TMEM177: variants seen among roughly 807,000 people sequenced by gnomAD.
TMEM177 encodes transmembrane protein 177.
TMEM177 carries 4 observed loss-of-function variants against 14.2 expected under a neutral mutation model. The observed-to-expected ratio is 0.28, with a 90% CI of 0.14 to 0.64. The LOEUF is 0.64. Ranked by LOEUF, TMEM177 falls within the 30% of genes least tolerant of loss-of-function variation. The pLI is 0.82. For missense variants in TMEM177, 344 were observed against 405.2 expected, an observed-to-expected ratio of 0.85 and a Z score of 1.30; for synonymous variants, 179 against 174.5, an observed-to-expected ratio of 1.03 and a Z score of -0.20.
At position 119,681,678 on chromosome 2, in the gene TMEM177, C is replaced by T. The variant is rs150982620; in HGVS notation, c.825C>T (p.Ser275=). The T allele has an allele frequency of 5.0e-5, 80 of 1,614,058 alleles. 1 individual carries two copies. The South Asian group carries it at 6.9e-4, about 14-fold the overall frequency. ...ACGGGGAGAAGCTGTATACACCCAGCGGGAACATCGTCCCCAGACACTTGT... is the reference window on the plus strand; with the variant it reads ...ACGGGGAGAAGCTGTATACACCCAGTGGGAACATCGTCCCCAGACACTTGT... ...GKDGEKLYTP[S]GNIVPRHLFR... The change falls in exon 2 of 2, where the codon AGC becomes AGT. Residue 275 remains serine, a synonymous_variant. Coordinates refer to ENST00000272521, the MANE Select transcript of TMEM177 (RefSeq NM_030577.3).
chr2:119,699,327 A>AGAATTCACTCACTATC, the TMEM177 span, among the ~76,000 whole-genome samples: 2 of 152,232 alleles, frequency 1.3e-5, no homozygotes, highest in African/African-American at 4.8e-5. Context: ...AGATCTCGTG[A>AGAATTCACTCACTATC]GAATTCACTC....
rs1688829470 is a variant in TMEM177 at position 119,679,210 on chromosome 2, C to G, written c.-89C>G. 1 of 152,362 alleles carries G rather than the reference C, an allele frequency of 6.6e-6. No homozygotes were observed. The highest frequency in any genetic ancestry group is 2.4e-5 in the African/African-American group (1 of 41,588). The allele number at this position is 152,362 out of a possible 1,614,324, so 9.4% of individuals were successfully genotyped here. A position where few individuals can be genotyped will look rare whatever the true frequency, so the allele number is the denominator to read the frequency against. On this transcript the variant is annotated 5_prime_UTR_variant, in exon 1 of 2. Transcript: ENST00000272521. ...CCTGCCGCGCGCACATGTAGGCGTTCCGAGCGGCGGCGGAGGTGAGCGCAC... is the reference window on the plus strand; with the variant it reads ...CCTGCCGCGCGCACATGTAGGCGTTGCGAGCGGCGGCGGAGGTGAGCGCAC...
chr2:119,714,912 A>G, the TMEM177 span, among the ~76,000 whole-genome samples: 7 of 152,360 alleles, frequency 4.6e-5, no homozygotes, highest in African/African-American at 1.7e-4. Flanking sequence ...GTTTGAACCC[A>G]GACAAGGCAA....
chr2:119,692,437 C>T, the TMEM177 span, among the ~76,000 whole-genome samples: 33 of 152,346 alleles, frequency 2.2e-4, no homozygotes, highest in African/African-American at 7.0e-4. Flanking sequence ...GAGGTGTAGC[C>T]CAGGCCATGT....
At chr2:119,688,265 G>A (rs1689046430), downstream of TMEM177, among the ~76,000 whole-genome samples, 1 of 152,188 alleles carries the variant, frequency 6.6e-6, no homozygotes, top group Admixed American at 6.5e-5. Context: ...TTCACAAAAT[G>A]TAAAGTAGTT....
the TMEM177 span, among the ~76,000 whole-genome samples, chr2:119,704,187 G>A: frequency 3.9e-5 from 6 of 152,194 alleles, no homozygotes; most frequent in African/African-American, 1.4e-4. Context: ...CCATGGAAGA[G>A]GAAGAACATG....
chr2:119,696,945 C>G, the TMEM177 span, among the ~76,000 whole-genome samples: 1 of 152,196 alleles, frequency 6.6e-6, no homozygotes, highest in Non-Finnish European at 1.5e-5. Context: ...TTTGTTCTAG[C>G]TTCACTCTGT....
At chr2:119,713,258 A>G in the TMEM177 span, among the ~76,000 whole-genome samples, 1 of 151,964 alleles carries the variant, frequency 6.6e-6, no homozygotes, top group African/African-American at 2.4e-5. Context: ...TAGTAGAGAC[A>G]GGTTTCTCCG....
At position 119,681,249 on chromosome 2, in the gene TMEM177, G is replaced by A; in HGVS notation, c.396G>A (p.Arg132=). 6.2e-7 allele frequency: 1 copy of A among 1,614,252 alleles called. No homozygotes were observed. Among genetic ancestry groups the A allele is most frequent in the Non-Finnish European group, 8.5e-7 (1 of 1,180,044 alleles). The change falls in exon 2 of 2, where the codon CGG becomes CGA. Residue 132 remains arginine, a synonymous_variant. Transcript: ENST00000272521. The part of the protein sequence containing the change: ...VVIHGHTVDW[R]SPAGARLRAS... ...TACATGGGCATACAGTGGACTGGCG[G>A]AGCCCAGCAGGCGCCCGGCTGAGAG...
chr2:119,684,992 C>A (rs974794611), downstream of TMEM177, among the ~76,000 whole-genome samples: 1 of 152,116 alleles, frequency 6.6e-6, no homozygotes, highest in Non-Finnish European at 1.5e-5. Flanking sequence ...TTTTCCTTCT[C>A]CCATGCCTGC....
At chr2:119,717,603 G>GTATT in the TMEM177 span, among the ~76,000 whole-genome samples, 1 of 84,972 alleles carries the variant, frequency 1.2e-5, no homozygotes, top group South Asian at 5.0e-4. Context: ...ATTGACTTGA[G>GTATT]TCTTTTTTTT....
downstream of TMEM177, among the ~76,000 whole-genome samples, chr2:119,690,212 C>A (rs1002307041): frequency 6.6e-6 from 1 of 152,124 alleles, no homozygotes; most frequent in African/African-American, 2.4e-5. Context: ...TGAGTTCTCA[C>A]GAAATCTGGT....
chr2:119,685,610 T>C, downstream of TMEM177: 1 of 715,326 alleles, frequency 1.4e-6, no homozygotes, highest in East Asian at 2.7e-5. Context: ...TCTCATTTAT[T>C]CCCAATTGGG....
chr2:119,712,401 T>C, the TMEM177 span, among the ~76,000 whole-genome samples: 3 of 152,022 alleles, frequency 2.0e-5, no homozygotes, highest in African/African-American at 7.3e-5. Flanking sequence ...GGGGCCGTAT[T>C]TGGAGGTAAG....
At chr2:119,720,523 G>T in the TMEM177 span, among the ~76,000 whole-genome samples, 1 of 151,976 alleles carries the variant, frequency 6.6e-6, no homozygotes. Context: ...GCCCACCTCG[G>T]CCTCCCAAAG....
downstream of TMEM177, among the ~76,000 whole-genome samples, chr2:119,686,751 A>G (rs149525768): frequency 0.014 from 2,116 of 151,538 alleles, 21 homozygotes; most frequent in Non-Finnish European, 0.021. Context: ...TCTTTGTTGT[A>G]GAGATGGGGT....
the TMEM177 span, among the ~76,000 whole-genome samples, chr2:119,692,809 C>T: frequency 6.6e-6 from 1 of 151,958 alleles, no homozygotes; most frequent in African/African-American, 2.4e-5. Context: ...CCCATTTCTA[C>T]TAAAAGTACA....
At chr2:119,698,339 G>T in the TMEM177 span, among the ~76,000 whole-genome samples, 1 of 152,128 alleles carries the variant, frequency 6.6e-6, no homozygotes, top group Admixed American at 6.5e-5. Flanking sequence ...ACAAGAGAAG[G>T]CTAGAAAGTC....
chr2:119,718,012 C>T, the TMEM177 span, among the ~76,000 whole-genome samples: 1 of 152,094 alleles, frequency 6.6e-6, no homozygotes, highest in African/African-American at 2.4e-5. Flanking sequence ...CGAGCTGGTT[C>T]GTTCTGCTCT....
Sources: allele counts gnomAD v4.1 joint callset (sites outside exome capture counted in the v4.1 genomes callset), GRCh38; gene constraint gnomAD v4.1.1; transcripts MANE v1.5; gene names NCBI Gene and HGNC (gene_info 2026-07-23, HGNC 2026-07-21).